MAGI2: variants seen among roughly 807,000 people sequenced by gnomAD.
MAGI2 encodes the protein membrane-associated guanylate kinase, WW and PDZ domain-containing protein 2.
In MAGI2, 35 loss-of-function variants were observed where a neutral mutation model predicts 133.3. The ratio of observed to expected loss-of-function variants is 0.26; its 90% CI spans 0.20 to 0.35. MAGI2 has a LOEUF of 0.35. Among genes scored for constraint, MAGI2 ranks in the 10% least tolerant of loss-of-function variants. The pLI is 1.00. For synonymous variants in MAGI2, 729 were observed against 710.6 expected (o/e 1.03, Z -0.41); for missense variants, 1,636 against 1,863.4 (o/e 0.88, Z 2.25).
At chr7:78,407,438 A>G (rs188422166) in intron 6 of MAGI2, among the ~76,000 whole-genome samples, 2 of 152,122 alleles carry the variant, frequency 1.3e-5, no homozygotes, top group East Asian at 1.9e-4. Context: ...CCCAAATCCA[A>G]GTTATGAATA....
At chr7:79,124,792 G>C (rs1275498881) in intron 1 of MAGI2, 1 of 161,584 alleles carries the variant, frequency 6.2e-6, no homozygotes, top group African/African-American at 2.4e-5. Flanking sequence ...GGTTGGGGGA[G>C]TTGAGCTTTG....
At chr7:78,640,391 G>T (rs1055005500) in intron 2 of MAGI2, among the ~76,000 whole-genome samples, 1 of 152,120 alleles carries the variant, frequency 6.6e-6, no homozygotes, top group East Asian at 1.9e-4. Flanking sequence ...AGTAAGGGAA[G>T]TTTTAGGAAT....
chr7:78,809,356 C>T (rs1054786640), intron 2 of MAGI2, among the ~76,000 whole-genome samples: 7 of 152,198 alleles, frequency 4.6e-5, no homozygotes, highest in African/African-American at 1.4e-4. Context: ...AAGTGTGCTT[C>T]CATGTGGAGG....
Position 78,162,441 on chromosome 7 carries a change from C to T in MAGI2, c.2597-2168G>A, listed in dbSNP as rs957349356. The stretch of plus-strand genomic sequence containing the variant: ...TCGGGAGGCTGAGGCAGGAGAATTG[C>T]GTGAACCCGGGAGGCAGAGCTTGCA... On this transcript the variant is annotated intron_variant, in intron 15 of 21. Coordinates refer to ENST00000354212, the MANE Select transcript of MAGI2 (RefSeq NM_012301.4). 1.7e-4 allele frequency among the ~76,000 whole-genome samples: 25 copies of T among 148,996 alleles called. 1 individual carries two copies. The Admixed American group carries it at 1.7e-3, about 10-fold the overall frequency.
intron 1 of MAGI2, among the ~76,000 whole-genome samples, chr7:79,065,008 G>C (rs1814158494): frequency 6.6e-6 from 1 of 151,920 alleles, no homozygotes; most frequent in African/African-American, 2.4e-5. Flanking sequence ...AACAAACTAT[G>C]CTGCAGAGCT....
intron 6 of MAGI2, among the ~76,000 whole-genome samples, chr7:78,410,744 A>C (rs1017234455): frequency 2.6e-5 from 4 of 152,054 alleles, no homozygotes; most frequent in African/African-American, 4.8e-5. Context: ...ACCTGGGGGA[A>C]AAAAAAGCAA....
At chr7:78,889,409 C>A (rs548506140) in intron 2 of MAGI2, among the ~76,000 whole-genome samples, 41 of 152,248 alleles carry the variant, frequency 2.7e-4, no homozygotes, top group African/African-American at 9.1e-4. Context: ...AGAAGAGCAA[C>A]TCCAAGACAC....
chr7:78,806,849 C>A, intron 2 of MAGI2, among the ~76,000 whole-genome samples: 1 of 148,244 alleles, frequency 6.7e-6, no homozygotes, highest in African/African-American at 2.5e-5. Context: ...GCCTGGGCCA[C>A]GGAGCAACAC....
intron 2 of MAGI2, among the ~76,000 whole-genome samples, chr7:78,921,938 T>A (rs944833149): frequency 1.3e-5 from 2 of 152,018 alleles, no homozygotes; most frequent in Non-Finnish European, 2.9e-5. Flanking sequence ...CCGGCCCAGA[T>A]TTTAATATTC....
At chr7:78,275,590 CAGAG>C (rs368454133) in intron 9 of MAGI2, among the ~76,000 whole-genome samples, 6 of 152,294 alleles carry the variant, frequency 3.9e-5, no homozygotes, top group Middle Eastern at 3.4e-3. Flanking sequence ...CCAAGCCTAT[CAGAG>C]AGGATGACTG....
intron 1 of MAGI2, among the ~76,000 whole-genome samples, chr7:79,319,578 A>G (rs1306609749): frequency 6.6e-6 from 1 of 152,176 alleles, no homozygotes; most frequent in African/African-American, 2.4e-5. Flanking sequence ...AACTCTAGTC[A>G]TCATCTCAAC....
At chr7:78,372,432 T>G (rs986506687) in intron 6 of MAGI2, among the ~76,000 whole-genome samples, 2 of 152,190 alleles carry the variant, frequency 1.3e-5, no homozygotes, top group Non-Finnish European at 2.9e-5. Flanking sequence ...ATTTGTCCAA[T>G]CAGGCAAGCA....
At chr7:78,463,641 G>C (rs568930203) in intron 6 of MAGI2, among the ~76,000 whole-genome samples, 1 of 152,286 alleles carries the variant, frequency 6.6e-6, no homozygotes, top group South Asian at 2.1e-4. Context: ...TAACATTCTG[G>C]GAAACTCCCC....
chr7:79,078,438 T>C (rs762500526), intron 1 of MAGI2, among the ~76,000 whole-genome samples: 62 of 152,186 alleles, frequency 4.1e-4, no homozygotes, highest in Middle Eastern at 3.2e-3. Context: ...GGCTCAGGAA[T>C]GAAAGGATTT....
chr7:78,682,226 A>G (rs1372279114), intron 2 of MAGI2, among the ~76,000 whole-genome samples: 2 of 152,152 alleles, frequency 1.3e-5, no homozygotes, highest in African/African-American at 4.8e-5. Context: ...TGAAATGCTT[A>G]AACTTCCCCT....
chr7:79,176,610 T>C (rs1192909780), intron 1 of MAGI2, among the ~76,000 whole-genome samples: 1 of 151,964 alleles, frequency 6.6e-6, no homozygotes, highest in Non-Finnish European at 1.5e-5. Flanking sequence ...CAGAGATATA[T>C]AGATACATTA....
At chr7:79,179,821 A>G (rs896228858) in intron 1 of MAGI2, among the ~76,000 whole-genome samples, 2 of 152,020 alleles carry the variant, frequency 1.3e-5, no homozygotes, top group Admixed American at 1.3e-4. Context: ...CTATAAGACA[A>G]CTGGAAAAAA....
chr7:78,040,317 T>G (rs906382164), intron 21 of MAGI2, among the ~76,000 whole-genome samples: 135 of 148,898 alleles, frequency 9.1e-4, no homozygotes, highest in African/African-American at 3.0e-3. Flanking sequence ...TTCCCCACCC[T>G]CTGTCCAAGC....
intron 9 of MAGI2, among the ~76,000 whole-genome samples, chr7:78,258,424 T>C (rs753313214): frequency 2.0e-5 from 3 of 152,182 alleles, no homozygotes; most frequent in Non-Finnish European, 2.9e-5. Flanking sequence ...CAACAAATAC[T>C]TGTATACTAA....
Sources: gnomAD v4.1 joint callset for allele counts (sites outside exome capture counted in the v4.1 genomes callset) on GRCh38, gnomAD v4.1.1 for gene constraint, MANE v1.5 for transcripts, NCBI Gene and HGNC (gene_info 2026-07-23, HGNC 2026-07-21) for gene names.